The following LRMDA variants were observed in gnomAD, a reference collection of about 807,000 sequenced individuals.
The protein encoded by LRMDA is leucine-rich melanocyte differentiation-associated protein.
LRMDA carries 18 observed loss-of-function variants against 29.8 expected under a neutral mutation model. The ratio of observed to expected loss-of-function variants is 0.60; its 90% CI spans 0.42 to 0.90. The LOEUF is 0.90. Among genes scored for constraint, LRMDA ranks in the 40% least tolerant of loss-of-function variants. The pLI, the probability that LRMDA is intolerant of heterozygous loss-of-function variation, is 0.00. For synonymous variants in LRMDA, 125 were observed against 109.4 expected, an observed-to-expected ratio of 1.14 and a Z score of -0.89; for missense variants, 273 against 273.9, an observed-to-expected ratio of 1.00 and a Z score of 0.02.
chr10:75,896,437 G>A (rs924621245), intron 2 of LRMDA, among the ~76,000 whole-genome samples: 1 of 152,134 alleles, frequency 6.6e-6, no homozygotes, highest in Admixed American at 6.5e-5. Context: ...TCTTTTAATT[G>A]TGATTTTCTC....
rs147560951 is a variant in LRMDA at position 76,455,832 on chromosome 10, C to T, written c.602-101377C>T. Among the ~76,000 whole-genome samples, 371 of 152,126 alleles carry T rather than the reference C, an allele frequency of 2.4e-3. 4 individuals are homozygous for T. The highest frequency in any genetic ancestry group is 0.017 in the Middle Eastern group (5 of 294). On this transcript the variant is annotated intron_variant, in intron 6 of 6. Transcript: ENST00000611255. Reference sequence around the variant, plus strand: ...TTAGTTATGTGGGAGAGGAGAAAGCCCCTGAATAATGGAAGGGAATGTCCC... The same window carrying T: ...TTAGTTATGTGGGAGAGGAGAAAGCTCCTGAATAATGGAAGGGAATGTCCC...
chr10:75,727,745 T>C (rs1306990083), intron 2 of LRMDA, among the ~76,000 whole-genome samples: 1 of 152,250 alleles, frequency 6.6e-6, no homozygotes, highest in Non-Finnish European at 1.5e-5. Context: ...TTTGTGCAGC[T>C]GAGAAAGGAC....
intron 2 of LRMDA, among the ~76,000 whole-genome samples, chr10:75,816,267 T>C (rs1367887922): frequency 1.3e-5 from 2 of 152,076 alleles, no homozygotes; most frequent in Admixed American, 1.3e-4. Flanking sequence ...TCCACAAGAG[T>C]GCATGAAGCG....
intron 2 of LRMDA, among the ~76,000 whole-genome samples, chr10:75,876,477 G>GA (rs1403233533): frequency 6.6e-6 from 1 of 152,030 alleles, no homozygotes; most frequent in Non-Finnish European, 1.5e-5. Flanking sequence ...GCAGGCATAA[G>GA]AAAAAAATCG....
intron 6 of LRMDA, among the ~76,000 whole-genome samples, chr10:76,402,617 G>A (rs1233583690): frequency 6.6e-6 from 1 of 152,102 alleles, no homozygotes; most frequent in Non-Finnish European, 1.5e-5. Flanking sequence ...ATCACCATAA[G>A]TGCTGGGATT....
At chr10:76,465,691 C>T (rs1371837055) in intron 6 of LRMDA, among the ~76,000 whole-genome samples, 3 of 152,110 alleles carry the variant, frequency 2.0e-5, no homozygotes, top group African/African-American at 7.2e-5. Context: ...ATAAGAAATG[C>T]CACTCGCTGG....
intron 2 of LRMDA, among the ~76,000 whole-genome samples, chr10:76,014,146 T>TTATATATATATATAATTA: frequency 1.4e-5 from 1 of 73,008 alleles, no homozygotes; most frequent in East Asian, 3.2e-4. Flanking sequence ...ATATATATAA[T>TTATATATATATATAATTA]TATATATATA....
At chr10:75,999,304 C>T (rs764984721) in intron 2 of LRMDA, among the ~76,000 whole-genome samples, 7 of 152,218 alleles carry the variant, frequency 4.6e-5, no homozygotes, top group Non-Finnish European at 7.3e-5. Context: ...GTAGAGAACT[C>T]TTGTCCAAAG....
chr10:76,525,486 C>T (rs190148068), intron 6 of LRMDA, among the ~76,000 whole-genome samples: 110 of 152,158 alleles, frequency 7.2e-4, no homozygotes, highest in South Asian at 6.2e-3. Flanking sequence ...TTTGTGTTTC[C>T]GCCGTGTGAA....
At chr10:76,148,895 A>G (rs866018307) in intron 5 of LRMDA, among the ~76,000 whole-genome samples, 4 of 152,304 alleles carry the variant, frequency 2.6e-5, no homozygotes, top group Middle Eastern at 6.8e-3. Context: ...CCTGGTGCAC[A>G]TGACCTAGAG....
intron 5 of LRMDA, among the ~76,000 whole-genome samples, chr10:76,093,936 G>A (rs1055827928): frequency 6.6e-6 from 1 of 152,116 alleles, no homozygotes; most frequent in Non-Finnish European, 1.5e-5. Flanking sequence ...AGAGCCTCTG[G>A]GGACCTCAAT....
chr10:76,109,490 C>T (rs760313014), intron 5 of LRMDA, among the ~76,000 whole-genome samples: 1 of 152,190 alleles, frequency 6.6e-6, no homozygotes, highest in Non-Finnish European at 1.5e-5. Flanking sequence ...TGCTCCCTTA[C>T]AACACAGTAA....
intron 2 of LRMDA, among the ~76,000 whole-genome samples, chr10:75,694,605 G>A (rs945734695): frequency 1.3e-5 from 2 of 152,126 alleles, no homozygotes; most frequent in African/African-American, 4.8e-5. Flanking sequence ...CTCTAATAGA[G>A]TACGGGGAAT....
intron 2 of LRMDA, among the ~76,000 whole-genome samples, chr10:75,532,603 C>T (rs1845490692): frequency 6.6e-6 from 1 of 152,108 alleles, no homozygotes; most frequent in Admixed American, 6.5e-5. Context: ...ATCTTTCTAG[C>T]TAACTTTGTA....
intron 6 of LRMDA, among the ~76,000 whole-genome samples, chr10:76,522,468 T>C (rs957018762): frequency 6.6e-6 from 1 of 152,188 alleles, no homozygotes; most frequent in African/African-American, 2.4e-5. Flanking sequence ...AGTGGTTGAA[T>C]GAATCTGTGT....
At chr10:75,534,970 C>G (rs1212369676) in intron 2 of LRMDA, among the ~76,000 whole-genome samples, 1 of 152,082 alleles carries the variant, frequency 6.6e-6, no homozygotes, top group Non-Finnish European at 1.5e-5. Context: ...GAAAACAAAA[C>G]TCAGAACCCC....
At chr10:76,104,769 G>T (rs2132106488) in intron 5 of LRMDA, among the ~76,000 whole-genome samples, 1 of 152,230 alleles carries the variant, frequency 6.6e-6, no homozygotes, top group East Asian at 1.9e-4. Flanking sequence ...AGAAGACGAA[G>T]GGCCGTGTTT....
chr10:76,350,173 A>AC (rs953292949), intron 6 of LRMDA, among the ~76,000 whole-genome samples: 6 of 150,824 alleles, frequency 4.0e-5, no homozygotes, highest in Non-Finnish European at 5.9e-5. Flanking sequence ...AAAAAACAAA[A>AC]AAAAAAATAA....
At chr10:76,226,305 G>A (rs139267705) in intron 5 of LRMDA, among the ~76,000 whole-genome samples, 1,579 of 152,186 alleles carry the variant, frequency 0.01, 27 homozygotes, top group African/African-American at 0.032. Flanking sequence ...AGATCAGGCC[G>A]GGCGTGGTGG....
Sources: gnomAD v4.1 joint callset for allele counts (sites outside exome capture counted in the v4.1 genomes callset) on GRCh38, gnomAD v4.1.1 for gene constraint, MANE v1.5 for transcripts, NCBI Gene and HGNC (gene_info 2026-07-23, HGNC 2026-07-21) for gene names.